Variants in PLSCR2 observed in about 807,000 individuals in gnomAD.
PLSCR2 encodes PL scramblase 2.
In PLSCR2, 18 loss-of-function variants were observed where a neutral mutation model predicts 25.3. The ratio of observed to expected loss-of-function variants is 0.71; its 90% CI spans 0.49 to 1.06. PLSCR2 has a LOEUF of 1.06. Among genes scored for constraint, PLSCR2 ranks in the 50% least tolerant of loss-of-function variants. The pLI is 0.00. For missense variants in PLSCR2, 243 were observed against 269.5 expected, an observed-to-expected ratio of 0.90 and a Z score of 0.69; for synonymous variants, 88 against 87.3, an observed-to-expected ratio of 1.01 and a Z score of -0.04.
At chr3:146,412,709 G>A (rs1188517974) in intron 2 of PLSCR2, among the ~76,000 whole-genome samples, 1 of 152,188 alleles carries the variant, frequency 6.6e-6, no homozygotes, top group Non-Finnish European at 1.5e-5. Flanking sequence ...ACAAGGGAGG[G>A]GAAGAGGTTC....
At chr3:146,411,718 G>A (rs1459812083) in intron 2 of PLSCR2, among the ~76,000 whole-genome samples, 1 of 152,224 alleles carries the variant, frequency 6.6e-6, no homozygotes, top group Non-Finnish European at 1.5e-5. Flanking sequence ...CCCCGAAGAA[G>A]GGGCTAGATT....
At chr3:146,435,163 G>C (rs2108158818) in intron 8 of PLSCR2, among the ~76,000 whole-genome samples, 2 of 152,114 alleles carry the variant, frequency 1.3e-5, no homozygotes, top group South Asian at 4.1e-4. Context: ...TCTTAATCCA[G>C]TCTATCATTG....
chr3:146,444,733 G>T lies in PLSCR2; in HGVS notation c.646-2912C>A, dbSNP rs562037805. On this transcript the variant is annotated intron_variant, in intron 6 of 6. Coordinates refer to ENST00000610787, the Ensembl canonical transcript of PLSCR2. The stretch of plus-strand genomic sequence containing the variant: ...AATCATTCTATGTCTTTTGATTAGA[G>T]AGTTTAGTCCATTTATATTCAATGC... Among the ~76,000 whole-genome samples the T allele has an allele frequency of 1.8e-4, 27 of 152,008 alleles. 1 individual carries two copies. The South Asian group carries it at 5.6e-3, about 32-fold the overall frequency.
chr3:146,416,323 G>A (rs898714563), intron 2 of PLSCR2, among the ~76,000 whole-genome samples: 1 of 151,988 alleles, frequency 6.6e-6, no homozygotes, highest in Non-Finnish European at 1.5e-5. Context: ...AATATGTAAA[G>A]TGTAAGTTTA....
chr3:146,395,876 G>A (rs112788794), exon 3 of PLSCR2: 6 of 302,852 alleles, frequency 2.0e-5, no homozygotes, highest in African/African-American at 4.5e-5. Flanking sequence ...CCAGAGTACT[G>A]TTTTGAAATC....
intron 1 of PLSCR2, among the ~76,000 whole-genome samples, chr3:146,470,920 A>G (rs1486895913): frequency 6.6e-6 from 1 of 152,246 alleles, no homozygotes; most frequent in East Asian, 1.9e-4. Flanking sequence ...GAGGATTTTT[A>G]TGATGATTAA....
chr3:146,407,638 T>G (rs2038698125), intron 2 of PLSCR2, among the ~76,000 whole-genome samples: 1 of 152,186 alleles, frequency 6.6e-6, no homozygotes, highest in Admixed American at 6.5e-5. Context: ...CCTGCATTCC[T>G]GGTAGATAGC....
chr3:146,477,361 A>G (rs1016042962), intron 1 of PLSCR2, among the ~76,000 whole-genome samples: 8 of 152,176 alleles, frequency 5.3e-5, no homozygotes, highest in Non-Finnish European at 1.0e-4. Context: ...CTGCACCTGG[A>G]AAAAGGGACA....
chr3:146,465,546 C>T (rs544209418), intron 1 of PLSCR2, among the ~76,000 whole-genome samples: 1 of 148,898 alleles, frequency 6.7e-6, no homozygotes, highest in South Asian at 2.1e-4. Flanking sequence ...CTAAGAACAA[C>T]TCTCTCCCGC....
chr3:146,440,827 G>C (rs1390596656), downstream of PLSCR2, among the ~76,000 whole-genome samples: 2 of 152,076 alleles, frequency 1.3e-5, no homozygotes, highest in African/African-American at 4.8e-5. Flanking sequence ...TTTTACTTTA[G>C]GAATTTGATT....
chr3:146,417,007 G>A (rs78243023), intron 2 of PLSCR2, among the ~76,000 whole-genome samples: 1 of 152,090 alleles, frequency 6.6e-6, no homozygotes, highest in African/African-American at 2.4e-5. Context: ...GCAACATTTT[G>A]TCCCAAGTAA....
At chr3:146,460,214 T>G in exon 1 of PLSCR2, 1 of 1,393,670 alleles carries the variant, frequency 7.2e-7, no homozygotes, top group Non-Finnish European at 9.3e-7. Context: ...TTGAGGTATG[T>G]TTTTATCTTC....
chr3:146,407,782 G>C (rs1576571849), intron 2 of PLSCR2, among the ~76,000 whole-genome samples: 1 of 152,110 alleles, frequency 6.6e-6, no homozygotes. Context: ...TGCTGGTAAA[G>C]CCTGAGCCTA....
intron 2 of PLSCR2, among the ~76,000 whole-genome samples, chr3:146,423,234 C>CT (rs2039211660): frequency 5.6e-5 from 3 of 53,448 alleles, no homozygotes; most frequent in Admixed American, 2.6e-4. Context: ...CCTTGCAGTG[C>CT]CTCTCTCTCT....
intron 1 of PLSCR2, among the ~76,000 whole-genome samples, chr3:146,481,715 G>A (rs965260679): frequency 1.2e-4 from 19 of 152,106 alleles, no homozygotes; most frequent in African/African-American, 4.1e-4. Context: ...TCTTCACAGA[G>A]TTGGAAAAAA....
downstream of PLSCR2, among the ~76,000 whole-genome samples, chr3:146,431,923 G>A (rs755081234): frequency 6.7e-6 from 1 of 149,284 alleles, no homozygotes; most frequent in Non-Finnish European, 1.5e-5. Flanking sequence ...TCTATGTGAT[G>A]CTGTGTCTTA....
intron 5 of PLSCR2, among the ~76,000 whole-genome samples, chr3:146,453,186 C>T (rs2041001479): frequency 6.6e-6 from 1 of 151,840 alleles, no homozygotes; most frequent in Admixed American, 6.6e-5. Context: ...AGTGCTAAAC[C>T]TTAGGAAGAT....
chr3:146,393,758 G>A (rs1344838449), intron 3 of PLSCR2, among the ~76,000 whole-genome samples: 3 of 140,948 alleles, frequency 2.1e-5, no homozygotes, highest in Non-Finnish European at 4.5e-5. Flanking sequence ...GCAGTGAGCT[G>A]AGATTGTGCC....
intron 2 of PLSCR2, chr3:146,398,558 T>A (rs558260926): frequency 6.6e-6 from 1 of 151,402 alleles, no homozygotes; most frequent in South Asian, 2.1e-4. Flanking sequence ...TTCATAATAA[T>A]ATTCTTTTAT....
Sources: allele counts gnomAD v4.1 joint callset (sites outside exome capture counted in the v4.1 genomes callset), GRCh38; gene constraint gnomAD v4.1.1; transcripts MANE v1.5; gene names NCBI Gene and HGNC (gene_info 2026-07-23, HGNC 2026-07-21).